Variants in RNF216 observed in about 807,000 individuals in gnomAD.
RNF216 encodes ring finger protein 216, also known as E3 ubiquitin-protein ligase RNF216.
RNF216 carries 72 observed loss-of-function variants against 110.8 expected under a neutral mutation model. The ratio of observed to expected loss-of-function variants is 0.65; its 90% CI spans 0.54 to 0.79. The LOEUF (loss-of-function observed/expected upper bound fraction) is 0.79, where lower values mean the gene tolerates loss of function less well. RNF216 is among the 30% of genes least tolerant of loss of function. The pLI is 0.00. For synonymous variants in RNF216, 495 were observed against 407.5 expected, an observed-to-expected ratio of 1.21 and a Z score of -2.59; for missense variants, 1,342 against 1,141.2, an observed-to-expected ratio of 1.18 and a Z score of -2.54.
At chr7:5,630,506 G>A (rs1448504090) in intron 15 of RNF216, among the ~76,000 whole-genome samples, 1 of 152,130 alleles carries the variant, frequency 6.6e-6, no homozygotes, top group Non-Finnish European at 1.5e-5. Context: ...GGCTCCCCGA[G>A]TAGGTGGGAC....
At chr7:5,728,615 G>A (rs1007659157) in intron 7 of RNF216, among the ~76,000 whole-genome samples, 3 of 152,056 alleles carry the variant, frequency 2.0e-5, no homozygotes, top group African/African-American at 7.2e-5. Context: ...AAAGGTGGAA[G>A]GGGCTTGGCC....
intron 13 of RNF216, among the ~76,000 whole-genome samples, chr7:5,664,617 G>A (rs576126387): frequency 1.0e-3 from 158 of 152,232 alleles, no homozygotes; most frequent in Non-Finnish European, 2.0e-3. Flanking sequence ...CTGGAAATGC[G>A]CATTCTGCCT....
chr7:5,669,919 C>T (rs28418908), intron 13 of RNF216, among the ~76,000 whole-genome samples: 9,114 of 151,294 alleles, frequency 0.06, 913 homozygotes, highest in African/African-American at 0.21. Flanking sequence ...GTGGATGGTG[C>T]GTTTGGAAAT....
intron 13 of RNF216, among the ~76,000 whole-genome samples, chr7:5,654,541 G>T (rs1263021892): frequency 6.6e-6 from 1 of 151,856 alleles, no homozygotes; most frequent in South Asian, 2.1e-4. Context: ...ACAAAAATTA[G>T]TTGGGCGTGG....
At chr7:5,744,949 G>C (rs908241463) in intron 3 of RNF216, among the ~76,000 whole-genome samples, 1 of 151,574 alleles carries the variant, frequency 6.6e-6, no homozygotes, top group Non-Finnish European at 1.5e-5. Flanking sequence ...TCCAGCCTGG[G>C]TGACAGAGCA....
chr7:5,710,756 T>C (rs2128628501), intron 13 of RNF216, among the ~76,000 whole-genome samples: 1 of 152,272 alleles, frequency 6.6e-6, no homozygotes, highest in Admixed American at 6.5e-5. Flanking sequence ...CTTTCCATCC[T>C]TTGGCTACTT....
intron 14 of RNF216, among the ~76,000 whole-genome samples, chr7:5,641,791 T>C (rs190507009): frequency 7.6e-4 from 116 of 151,952 alleles, no homozygotes; most frequent in African/African-American, 2.6e-3. Context: ...TCCCAGAACT[T>C]TGAGAGGCCA....
intron 15 of RNF216, among the ~76,000 whole-genome samples, chr7:5,632,168 T>A (rs1160726673): frequency 3.3e-5 from 5 of 152,156 alleles, no homozygotes; most frequent in Non-Finnish European, 7.4e-5. Flanking sequence ...GAGATCTGAG[T>A]TCCTGTTCAT....
chr7:5,780,470 A>T (rs910927709), intron 1 of RNF216, among the ~76,000 whole-genome samples: 2 of 152,114 alleles, frequency 1.3e-5, no homozygotes, highest in African/African-American at 2.4e-5. Flanking sequence ...GCCGAGGCGG[A>T]GGGATCACCT....
At chr7:5,660,947 T>TTTTTTTTTTGTTG (rs1789088264) in intron 13 of RNF216, among the ~76,000 whole-genome samples, 1 of 133,754 alleles carries the variant, frequency 7.5e-6, no homozygotes, top group East Asian at 2.0e-4. Context: ...CCTTAGGTTT[T>TTTTTTTTTTGTTG]TTTTTTTTTT....
At chr7:5,656,581 T>C (rs1355150038) in intron 13 of RNF216, among the ~76,000 whole-genome samples, 2 of 152,168 alleles carry the variant, frequency 1.3e-5, no homozygotes, top group Admixed American at 6.5e-5. Flanking sequence ...GGAGCATGCA[T>C]GCTGGGTAGT....
chr7:5,737,262 C>CA (rs1794475922), intron 5 of RNF216, among the ~76,000 whole-genome samples: 1 of 152,156 alleles, frequency 6.6e-6, no homozygotes, highest in Non-Finnish European at 1.5e-5. Context: ...TGTGTCCACT[C>CA]AGGGTTAAAT....
chr7:5,759,654 C>T (rs560124936), intron 2 of RNF216, among the ~76,000 whole-genome samples: 3 of 8,822 alleles, frequency 3.4e-4, no homozygotes, highest in East Asian at 4.7e-3. Context: ...TTTTTTGAGA[C>T]GGAGTCTTGC....
At chr7:5,678,734 G>A (rs1459829058) in intron 13 of RNF216, among the ~76,000 whole-genome samples, 2 of 152,260 alleles carry the variant, frequency 1.3e-5, no homozygotes, top group South Asian at 2.1e-4. Flanking sequence ...CCTGCACTGT[G>A]AGAGCTACAG....
chr7:5,778,118 G>A (rs747615490), intron 1 of RNF216, among the ~76,000 whole-genome samples: 2 of 152,116 alleles, frequency 1.3e-5, no homozygotes, highest in Non-Finnish European at 2.9e-5. Flanking sequence ...ATCTCACCAT[G>A]GTGAAACCGA....
chr7:5,716,699 G>A lies in RNF216; in HGVS notation c.1695+17C>T. ...CATGAAAATGCCCAGAATAAACAAG[G>A]TGAGATTTCAAACTACCTTTTGATA... On this transcript the variant is annotated intron_variant, in intron 10 of 16. Coordinates refer to ENST00000389902, the MANE Select transcript of RNF216 (RefSeq NM_207111.4). 6.4e-7 allele frequency: 1 copy of A among 1,572,322 alleles called. No individual in the cohort carries two copies. The highest frequency in any genetic ancestry group is 1.4e-5 in the African/African-American group (1 of 73,812).
intron 14 of RNF216, among the ~76,000 whole-genome samples, chr7:5,648,774 G>C (rs945149102): frequency 2.0e-5 from 3 of 150,302 alleles, no homozygotes; most frequent in Non-Finnish European, 3.0e-5. Flanking sequence ...GGGGACAGAA[G>C]AACAAGTTAA....
chr7:5,625,465 A>C (rs1786649808), intron 15 of RNF216, among the ~76,000 whole-genome samples: 1 of 152,216 alleles, frequency 6.6e-6, no homozygotes, highest in African/African-American at 2.4e-5. Context: ...ATCTGATGAC[A>C]CCCAGAGCAG....
intron 13 of RNF216, among the ~76,000 whole-genome samples, chr7:5,663,388 G>A (rs1308015795): frequency 6.6e-6 from 1 of 151,960 alleles, no homozygotes; most frequent in East Asian, 1.9e-4. Flanking sequence ...AGACCATCCT[G>A]GCTAACACGG....
Sources: allele counts gnomAD v4.1 joint callset (sites outside exome capture counted in the v4.1 genomes callset), GRCh38; gene constraint gnomAD v4.1.1; transcripts MANE v1.5; gene names NCBI Gene and HGNC (gene_info 2026-07-23, HGNC 2026-07-21).